Variants in DIS3 observed in about 807,000 individuals in gnomAD.
DIS3 encodes DIS3 exosome endoribonuclease and 3'-5' exoribonuclease.
Under a neutral mutation model 113.0 loss-of-function variants are expected in DIS3, and 103 were observed. That is an observed-to-expected ratio of 0.91 (90% CI 0.78 to 1.07). DIS3 has a LOEUF of 1.07. Ranked by LOEUF, DIS3 falls within the 50% of genes least tolerant of loss-of-function variation. DIS3 has a pLI of 0.00. For synonymous variants in DIS3, 402 were observed against 394.3 expected, an observed-to-expected ratio of 1.02 and a Z score of -0.23; for missense variants, 1,121 against 1,167.1, an observed-to-expected ratio of 0.96 and a Z score of 0.58.
chr13:72,774,265 TACTACAAA>T (rs1341475939), intron 6 of DIS3, among the ~76,000 whole-genome samples: 1 of 152,042 alleles, frequency 6.6e-6, no homozygotes, highest in African/African-American at 2.4e-5. Flanking sequence ...GATAATAAAG[TACTACAAA>T]ACAATCAAAA....
chr13:72,778,437 A>T, intron 2 of DIS3, 57 bp from the exon 3 acceptor site: 1 of 1,430,396 alleles, frequency 7.0e-7, no homozygotes, highest in Non-Finnish European at 9.5e-7. Context: ...GGATATGTGA[A>T]AACTCTTAGC....
Position 72,781,815 on chromosome 13 carries a change from C to T in DIS3, c.18G>A (p.Thr6=). The change falls in exon 1 of 21, where the codon ACG becomes ACA. Residue 6 remains threonine (T), a synonymous_variant. Coordinates refer to ENST00000377767, the MANE Select transcript of DIS3 (RefSeq NM_014953.5). MLKSK[T]FLKKTRAGGV... is the part of the protein sequence containing the mutation. ...CGCCCGCCCGGGTCTTTTTTAAGAA[C>T]GTCTTGGACTTGAGCATCTTGCCTC... The T allele has an allele frequency of 6.3e-7, 1 of 1,597,674 alleles. No individual in the cohort carries two copies. Among genetic ancestry groups the T allele is most frequent in the South Asian group, 1.1e-5 (1 of 89,078 alleles).
chr13:72,761,765 C>G lies in DIS3; in HGVS notation c.2392G>C (p.Asp798His), dbSNP rs1305608994. The change falls in exon 18 of 21, where the codon GAC (aspartate) becomes CAC (histidine). Residue 798 changes from aspartate (D) to histidine (H), a missense_variant. By Grantham distance (81) the Asp-to-His change is moderately conservative (BLOSUM62 -1). Around this residue, in one of 3 missense-constraint regions of DIS3, gnomAD observed 861 missense variants for 915.5 expected, o/e 0.94. Coordinates refer to ENST00000377767, the MANE Select transcript of DIS3 (RefSeq NM_014953.5). ...TCTGTCAACTCTGGATAAGTACAGTCAGCCCCAATAGCCACAGCCAAAAGC... is the reference window on the plus strand; with the variant it reads ...TCTGTCAACTCTGGATAAGTACAGTGAGCCCCAATAGCCACAGCCAAAAGC... ...HRLLAVAIGA[D>H]CTYPELTDKH... 2 of 1,613,658 alleles carry G rather than the reference C, an allele frequency of 1.2e-6. No homozygotes were observed. Among genetic ancestry groups the G allele is most frequent in the Middle Eastern group, 1.6e-4 (1 of 6,062 alleles).
chr13:72,778,618 C>CGTA (rs757405284), intron 2 of DIS3, among the ~76,000 whole-genome samples: 4 of 152,004 alleles, frequency 2.6e-5, no homozygotes, highest in Non-Finnish European at 5.9e-5. Context: ...AAGAAAAAGG[C>CGTA]TAATACAATT....
chr13:72,778,428 G>A (rs1488714284), intron 2 of DIS3, 48 bp from the exon 3 acceptor site: 4 of 1,476,808 alleles, frequency 2.7e-6, no homozygotes, highest in East Asian at 2.3e-5. Context: ...TAGAAACAAG[G>A]ATATGTGAAA....
rs368330957 is a variant in DIS3 at position 72,772,272 on chromosome 13, T to C, written c.1390A>G (p.Met464Val). Reference protein sequence around the residue: ...KMPWSITEKDMKNREDLRHLC... With the variant: ...KMPWSITEKDVKNREDLRHLC... ...TGCCTCAGGTCTTCTCGGTTTTTCA[T>C]GTCCTAGAAGACATGAAATGATAAA... The change falls in exon 10 of 21, where the codon ATG becomes GTG. Residue 464 changes from methionine to valine, a missense_variant. By Grantham distance (21) the Met-to-Val change is conservative (BLOSUM62 1). This residue lies in a region of DIS3 where 861 missense variants were observed against 915.5 expected (regional missense o/e 0.94). Transcript: ENST00000377767. 1.2e-6 allele frequency: 2 copies of C among 1,607,490 alleles called. No homozygotes were observed. The highest frequency in any genetic ancestry group is 1.7e-6 in the Non-Finnish European group (2 of 1,176,324).
At chr13:72,773,325 G>A (rs560389075) in intron 8 of DIS3, among the ~76,000 whole-genome samples, 8 of 152,194 alleles carry the variant, frequency 5.3e-5, no homozygotes, top group East Asian at 1.9e-4. Context: ...AGCTGGGCAC[G>A]GTAGTGCACG....
intron 13 of DIS3, among the ~76,000 whole-genome samples, chr13:72,769,693 G>A (rs1295197022): frequency 6.6e-6 from 1 of 152,054 alleles, no homozygotes; most frequent in Non-Finnish European, 1.5e-5. Flanking sequence ...TTGTTATACT[G>A]ACCAAGTCTT....
chr13:72,756,487 A>C lies in DIS3; in HGVS notation c.*3308T>G, dbSNP rs1413030612. 6.6e-6 allele frequency: 1 copy of C among 152,234 alleles called. No homozygotes were observed. The highest frequency in any genetic ancestry group is 2.4e-5 in the African/African-American group (1 of 41,462). The allele number at this position is 152,234 out of a possible 1,614,324, so 9.4% of individuals were successfully genotyped here. On this transcript the variant is annotated 3_prime_UTR_variant, in exon 21 of 21. Coordinates refer to ENST00000377767, the MANE Select transcript of DIS3 (RefSeq NM_014953.5). ...TTTTTTAATAGTACAAAAGTCAAGA[A>C]ATAACACAATAGTGACTATAACCTG... is the stretch of plus-strand genomic sequence containing the variant.
chr13:72,760,729 T>C, intron 19 of DIS3, 78 bp from the exon 20 acceptor site: 1 of 1,502,800 alleles, frequency 6.7e-7, no homozygotes, highest in Non-Finnish European at 8.9e-7. Context: ...CAATTTATCT[T>C]ACATAGTAGA....
At chr13:72,780,297 G>C (rs553330351) in intron 2 of DIS3, among the ~76,000 whole-genome samples, 2 of 120,132 alleles carry the variant, frequency 1.7e-5, no homozygotes, top group Admixed American at 1.1e-4. Flanking sequence ...CTGCACTCCA[G>C]CCTGGGTGAC....
intron 11 of DIS3, 92 bp downstream of exon 11, chr13:72,771,703 A>G (rs933836586): frequency 2.4e-5 from 30 of 1,265,144 alleles, no homozygotes; most frequent in Non-Finnish European, 3.3e-5. Flanking sequence ...TTAAAGCCAC[A>G]TTATTCCATG....
intron 14 of DIS3, among the ~76,000 whole-genome samples, chr13:72,768,040 T>C (rs1281519610): frequency 6.6e-6 from 1 of 152,228 alleles, no homozygotes; most frequent in African/African-American, 2.4e-5. Context: ...CTGTTACTAG[T>C]CAGATCTTTG....
At chr13:72,760,338 A>C (rs73524225) in intron 20 of DIS3, among the ~76,000 whole-genome samples, 191 bp downstream of exon 20, 2,702 of 152,278 alleles carry the variant, frequency 0.018, 86 homozygotes, top group African/African-American at 0.061. Context: ...ACCTGAACAG[A>C]ATCTCAGATG....
chr13:72,781,900 C>CAACTAT (rs1162503040), upstream of DIS3: 9 of 1,363,886 alleles, frequency 6.6e-6, no homozygotes, highest in African/African-American at 1.0e-4. Context: ...ATCTAGAATA[C>CAACTAT]GCCTAACCCC....
In DIS3 at chr13:72,766,039, G is replaced by A. The variant is rs35017269; in HGVS notation, c.1903C>T (p.Pro635Ser). 0.015 allele frequency: 24,445 copies of A among 1,610,824 alleles called. 252 individuals are homozygous for A. The highest frequency in any genetic ancestry group is 0.028 in the South Asian group (2,564 of 90,310). Residue 635 changes from proline to serine, a missense_variant, in exon 15 of 21, where the codon CCT becomes TCT. Physicochemically the swap from Pro to Ser is moderately conservative, Grantham distance 74 (BLOSUM62 -1). Around this residue, in one of 3 missense-constraint regions of DIS3, gnomAD observed 861 missense variants for 915.5 expected, o/e 0.94. Coordinates refer to ENST00000377767, the MANE Select transcript of DIS3 (RefSeq NM_014953.5). ...IEKGALTLSSPEVRFHMDSET... is the reference protein window; with the variant it reads ...IEKGALTLSSSEVRFHMDSET... The stretch of plus-strand genomic sequence containing the variant: ...CTGTCCATGTGGAATCGAACTTCAG[G>A]AGAGGATAGAGTCAAAGCCCTACAT...
At chr13:72,769,654 A>G (rs2033840173) in intron 13 of DIS3, among the ~76,000 whole-genome samples, 1 of 152,186 alleles carries the variant, frequency 6.6e-6, no homozygotes, top group African/African-American at 2.4e-5. Context: ...TTTATGTTAT[A>G]TATTCACTAG....
rs900141127 is a variant in DIS3 at position 72,763,351 on chromosome 13, A to G, written c.2127+100T>C. The stretch of plus-strand genomic sequence containing the variant: ...GAACTATTGGCATATTCTTGTATTA[A>G]CAAACAATAAAACCTTTATGGAAAT... On this transcript the variant is annotated intron_variant, in intron 16 of 20. Coordinates refer to ENST00000377767, the MANE Select transcript of DIS3 (RefSeq NM_014953.5). The G allele has an allele frequency of 2.9e-6, 4 of 1,376,212 alleles. No individual in the cohort carries two copies. The African/African-American group carries it at 6.0e-5, about 21-fold the overall frequency. 85.3% of individuals were successfully genotyped at this position (1,376,212 alleles called of 1,614,324 possible). A position where few individuals can be genotyped will look rare whatever the true frequency, so the allele number is the denominator to read the frequency against.
rs1477794898 is a variant in DIS3 at position 72,756,249 on chromosome 13, C to A, written c.*3546G>T. On this transcript the variant is annotated 3_prime_UTR_variant, in exon 21 of 21. Coordinates refer to ENST00000377767, the MANE Select transcript of DIS3 (RefSeq NM_014953.5). ...CTGTACCTTGAAACCTTACTGCTGA[C>A]CTGCAGAAAATGTGCCGCGTTATGT... 4.1e-6 allele frequency: 1 copy of A among 241,230 alleles called. No homozygotes were observed. The highest frequency in any genetic ancestry group is 5.7e-5 in the Admixed American group (1 of 17,684). 14.9% of individuals were successfully genotyped at this position (241,230 alleles called of 1,614,324 possible). A position where few individuals can be genotyped will look rare whatever the true frequency, so the allele number is the denominator to read the frequency against.
Sources: allele counts gnomAD v4.1 joint callset (sites outside exome capture counted in the v4.1 genomes callset), GRCh38; gene constraint gnomAD v4.1.1; regional missense constraint gnomAD v4.1.1; transcripts MANE v1.5; gene names NCBI Gene and HGNC (gene_info 2026-07-23, HGNC 2026-07-21).